Variants in TNFAIP8L3 observed in about 807,000 individuals in gnomAD.
TNFAIP8L3 encodes TNF alpha induced protein 8 like 3.
Under a neutral mutation model 11.8 loss-of-function variants are expected in TNFAIP8L3, and 7 were observed. The observed-to-expected ratio is 0.59, with a 90% confidence interval of 0.34 to 1.11. The LOEUF (loss-of-function observed/expected upper bound fraction) is 1.11. Among genes scored for constraint, TNFAIP8L3 ranks in the 50% most tolerant of loss-of-function variants. The pLI is 0.03. For synonymous variants in TNFAIP8L3, 98 were observed against 103.8 expected (o/e 0.94, Z 0.34); for missense variants, 219 against 258.6 (o/e 0.85, Z 1.05).
intron 1 of TNFAIP8L3, among the ~76,000 whole-genome samples, chr15:51,060,061 T>C (rs912274748): frequency 1.3e-5 from 2 of 152,214 alleles, no homozygotes; most frequent in South Asian, 2.1e-4. Flanking sequence ...TAAACACTCA[T>C]TGTGCAGAAC....
intron 1 of TNFAIP8L3, among the ~76,000 whole-genome samples, chr15:51,103,817 G>C: frequency 6.6e-6 from 1 of 152,132 alleles, no homozygotes; most frequent in East Asian, 1.9e-4. Flanking sequence ...GATGAAATTC[G>C]TAAGTCCAAG....
intron 1 of TNFAIP8L3, among the ~76,000 whole-genome samples, chr15:51,087,085 C>T (rs1567294612): frequency 6.6e-6 from 1 of 152,180 alleles, no homozygotes; most frequent in Non-Finnish European, 1.5e-5. Flanking sequence ...GATGGCTGGT[C>T]TTGAACTTCT....
chr15:51,094,788 C>T lies in TNFAIP8L3; in HGVS notation c.-193G>A, dbSNP rs990647963. Reference sequence around the variant, plus strand: ...GCGAGCGCCGCCGCGCCCCGCTCCCCGCGCCCGCCGGCCGGTGCCTGCGCG... The same window carrying T: ...GCGAGCGCCGCCGCGCCCCGCTCCCTGCGCCCGCCGGCCGGTGCCTGCGCG... On this transcript the variant is annotated 5_prime_UTR_variant, in exon 1 of 2. Transcript: ENST00000637513. This position sits in a 1 kb window ranked among gnomAD's most constrained non-coding sequence, Gnocchi z 4.4. 6 of 825,778 alleles carry T rather than the reference C, an allele frequency of 7.3e-6. No homozygotes were observed. Among genetic ancestry groups the T allele is most frequent in the Non-Finnish European group, 8.7e-6 (6 of 686,876 alleles). 51.2% of individuals were successfully genotyped at this position (825,778 alleles called of 1,614,324 possible).
intron 1 of TNFAIP8L3, among the ~76,000 whole-genome samples, chr15:51,102,252 T>C (rs1319487216): frequency 6.6e-6 from 1 of 152,172 alleles, no homozygotes; most frequent in Admixed American, 6.5e-5. Flanking sequence ...ATGCTGACTC[T>C]CCTCCTGCGC....
At chr15:51,096,426 G>T (rs538361035), upstream of TNFAIP8L3, among the ~76,000 whole-genome samples, 61 of 152,274 alleles carry the variant, frequency 4.0e-4, no homozygotes, top group African/African-American at 1.5e-3. Context: ...TCAAGTGTTG[G>T]TGTCTCCTTC....
In TNFAIP8L3 at chr15:51,072,989, C is replaced by CTTTTTTTTTTTTTTT. The variant is rs2065321403; in HGVS notation, c.53-14547_53-14546insAAAAAAAAAAAAAAA. ...ATGTTGATCTGAAGTAAACTGGGAT[C>CTTTTTTTTTTTTTTT]CTTTTTTTTTTTTTTTTTTTTTTTG... On this transcript the variant is annotated intron_variant, in intron 1 of 1. Transcript: ENST00000637513. Among the ~76,000 whole-genome samples, 2 of 45,752 alleles carry CTTTTTTTTTTTTTTT rather than the reference C, an allele frequency of 4.4e-5. 1 individual carries two copies. 30.0% of individuals were successfully genotyped at this position (45,752 alleles called of 152,430 possible).
At chr15:51,064,545 G>T (rs923007585) in intron 1 of TNFAIP8L3, 1 of 152,094 alleles carries the variant, frequency 6.6e-6, no homozygotes, top group Non-Finnish European at 1.5e-5. Context: ...GAAATACTGG[G>T]ATAGGATTGA....
intron 1 of TNFAIP8L3, among the ~76,000 whole-genome samples, chr15:51,070,813 A>G (rs8032122): frequency 0.59 from 88,983 of 150,640 alleles, 26,550 homozygotes; most frequent in Middle Eastern, 0.68. Context: ...TTGGGAGGCC[A>G]AGGCGGGCGG....
chr15:51,100,796 A>G (rs893537298), intron 1 of TNFAIP8L3, among the ~76,000 whole-genome samples: 6 of 151,534 alleles, frequency 4.0e-5, no homozygotes, highest in African/African-American at 1.5e-4. Context: ...GCATGACTGG[A>G]TGGATGTCCT....
chr15:51,069,523 G>C (rs1395904681), intron 1 of TNFAIP8L3: 1 of 152,154 alleles, frequency 6.6e-6, no homozygotes, highest in African/African-American at 2.4e-5. Context: ...AGAGAGATTG[G>C]CAGGAGGAGC....
rs370177245 is a variant in TNFAIP8L3 at position 51,063,031 on chromosome 15, T to C, written c.53-4588A>G. On this transcript the variant is annotated intron_variant, in intron 1 of 1. Transcript: ENST00000637513. Reference sequence around the variant, plus strand: ...AGTCAGAACAAAGGAATGTGTCCTGTAGAAGCTGGAGATGGCCAGGGAGGG... The same window carrying C: ...AGTCAGAACAAAGGAATGTGTCCTGCAGAAGCTGGAGATGGCCAGGGAGGG... Among the ~76,000 whole-genome samples the C allele has an allele frequency of 9.9e-5, 15 of 152,196 alleles. No homozygotes were observed. The South Asian group carries it at 2.9e-3, about 30-fold the overall frequency.
chr15:51,061,496 A>G (rs2065242385), intron 1 of TNFAIP8L3, among the ~76,000 whole-genome samples: 1 of 152,236 alleles, frequency 6.6e-6, no homozygotes, highest in African/African-American at 2.4e-5. Context: ...TTGTTATATA[A>G]TACCCATTAT....
At chr15:51,087,622 A>C (rs1004926067) in intron 1 of TNFAIP8L3, among the ~76,000 whole-genome samples, 1 of 152,148 alleles carries the variant, frequency 6.6e-6, no homozygotes, top group Non-Finnish European at 1.5e-5. Context: ...AATAGTTTAA[A>C]GCAATATTGG....
At chr15:51,069,853 CTT>C (rs1168447795) in intron 1 of TNFAIP8L3, among the ~76,000 whole-genome samples, 6 of 152,220 alleles carry the variant, frequency 3.9e-5, no homozygotes, top group Non-Finnish European at 5.9e-5. Flanking sequence ...AGCCTACAGT[CTT>C]TGCCTTCCTG....
chr15:51,061,634 C>A (rs548963465), intron 1 of TNFAIP8L3, among the ~76,000 whole-genome samples: 7 of 152,056 alleles, frequency 4.6e-5, no homozygotes, highest in Non-Finnish European at 8.8e-5. Context: ...ATGTGCTTTG[C>A]TTGAAAATAT....
chr15:51,061,343 T>G (rs1260897529), intron 1 of TNFAIP8L3, among the ~76,000 whole-genome samples: 1 of 152,176 alleles, frequency 6.6e-6, no homozygotes, highest in African/African-American at 2.4e-5. Context: ...CCTTGAATAT[T>G]TTAAAACTTG....
intron 1 of TNFAIP8L3, among the ~76,000 whole-genome samples, chr15:51,059,621 T>C (rs2065230213): frequency 6.6e-6 from 1 of 152,228 alleles, no homozygotes; most frequent in Non-Finnish European, 1.5e-5. Context: ...CCACAGCACC[T>C]AGCTCGTTCT....
At chr15:51,071,130 G>A (rs2065306530) in intron 1 of TNFAIP8L3, among the ~76,000 whole-genome samples, 1 of 146,732 alleles carries the variant, frequency 6.8e-6, no homozygotes, top group African/African-American at 2.5e-5. Flanking sequence ...ATAAAAATAT[G>A]TAATGCCTAA....
chr15:51,088,474 C>G (rs1402567103), intron 1 of TNFAIP8L3, among the ~76,000 whole-genome samples: 1 of 152,124 alleles, frequency 6.6e-6, no homozygotes, highest in East Asian at 1.9e-4. Flanking sequence ...TTTTCTCTCC[C>G]CAATATGGCT....
Sources: gnomAD v4.1 joint callset for allele counts (sites outside exome capture counted in the v4.1 genomes callset) on GRCh38, gnomAD v4.1.1 for gene constraint, Gnocchi (gnomAD v3.1) non-coding constraint, MANE v1.5 for transcripts, NCBI Gene and HGNC (gene_info 2026-07-23, HGNC 2026-07-21) for gene names.